Variants in STK32A observed in about 807,000 individuals in gnomAD.
STK32A encodes serine/threonine kinase 32A.
STK32A carries 41 observed loss-of-function variants against 53.2 expected under a neutral mutation model. That is an observed-to-expected ratio of 0.77 (90% CI 0.60 to 1.00). STK32A has a LOEUF of 1.00. STK32A is among the 50% of genes least tolerant of loss of function. The pLI, the probability that STK32A is intolerant of heterozygous loss-of-function variation, is 0.00. For synonymous variants in STK32A, 166 were observed against 162.8 expected (o/e 1.02, Z -0.15); for missense variants, 458 against 485.8 (o/e 0.94, Z 0.54).
intron 4 of STK32A, among the ~76,000 whole-genome samples, chr5:147,280,831 A>G (rs145996920): frequency 6.6e-5 from 10 of 152,304 alleles, no homozygotes; most frequent in African/African-American, 2.2e-4. Flanking sequence ...CAGGAGGACA[A>G]CAGCACAAAA....
chr5:147,395,827 A>T, the STK32A span: 1 of 1,278,522 alleles, frequency 7.8e-7, no homozygotes, highest in South Asian at 1.3e-5. Flanking sequence ...GGGAGCTAGG[A>T]ATTAACAATA....
intron 8 of STK32A, among the ~76,000 whole-genome samples, chr5:147,363,923 TCTC>T (rs1374568151): frequency 1.3e-5 from 2 of 152,124 alleles, no homozygotes; most frequent in African/African-American, 4.8e-5. Flanking sequence ...TGCTTAGAAA[TCTC>T]CTCGGCTGGC....
intron 5 of STK32A, among the ~76,000 whole-genome samples, chr5:147,326,642 G>GAA (rs1487051982): frequency 1.2e-4 from 19 of 152,162 alleles, no homozygotes; most frequent in African/African-American, 4.6e-4. Flanking sequence ...TGATTGACCA[G>GAA]AAGTTCAGGC....
chr5:147,338,379 G>A (rs899581880), intron 5 of STK32A, among the ~76,000 whole-genome samples: 1 of 152,174 alleles, frequency 6.6e-6, no homozygotes, highest in African/African-American at 2.4e-5. Flanking sequence ...ATGTGGAACT[G>A]TGAGTCTGTT....
chr5:147,355,449 A>G (rs1413544355), intron 7 of STK32A, among the ~76,000 whole-genome samples: 1 of 152,040 alleles, frequency 6.6e-6, no homozygotes, highest in African/African-American at 2.4e-5. Context: ...CGAGGCGGGC[A>G]GATCACAAGG....
chr5:147,255,612 T>G (rs974489420), intron 2 of STK32A, among the ~76,000 whole-genome samples: 4 of 152,178 alleles, frequency 2.6e-5, no homozygotes, highest in Non-Finnish European at 5.9e-5. Context: ...GGGGCAGTGT[T>G]GTTTGGGATG....
chr5:147,260,110 C>G (rs1172401559), intron 2 of STK32A, among the ~76,000 whole-genome samples: 11 of 136,978 alleles, frequency 8.0e-5, no homozygotes, highest in African/African-American at 3.0e-4. Flanking sequence ...TCTGTCTCCT[C>G]TCTGTCCCTC....
the STK32A span, chr5:147,395,871 AAAAT>A: frequency 4.0e-6 from 4 of 998,366 alleles, no homozygotes; most frequent in South Asian, 1.6e-5. Flanking sequence ...GAAGTAGTAT[AAAAT>A]AAATAAAGGA....
chr5:147,351,212 G>T, intron 7 of STK32A, 58 bp downstream of exon 7: 1 of 1,404,568 alleles, frequency 7.1e-7, no homozygotes, highest in South Asian at 1.2e-5. Context: ...TTTATTACAG[G>T]TGGAATCATC....
At chr5:147,401,452 T>C in the STK32A span, 1 of 1,423,386 alleles carries the variant, frequency 7.0e-7, no homozygotes, top group Non-Finnish European at 9.4e-7. Context: ...GTCAAGTTTA[T>C]AGATGGGACT....
At chr5:147,291,331 G>A (rs758881864) in intron 4 of STK32A, among the ~76,000 whole-genome samples, 217 of 152,186 alleles carry the variant, frequency 1.4e-3, no homozygotes, top group Middle Eastern at 3.4e-3. Flanking sequence ...GAAGGGGAAA[G>A]GATGAGTCTT....
intron 4 of STK32A, among the ~76,000 whole-genome samples, chr5:147,295,744 T>C (rs569902432): frequency 6.6e-4 from 100 of 152,326 alleles, no homozygotes; most frequent in African/African-American, 2.2e-3. Flanking sequence ...TTTTCAATAG[T>C]TTCTCTCCCA....
At chr5:147,256,882 C>T (rs572777811) in intron 2 of STK32A, among the ~76,000 whole-genome samples, 2 of 152,090 alleles carry the variant, frequency 1.3e-5, no homozygotes, top group South Asian at 2.1e-4. Context: ...GCAACTGTTC[C>T]GTTGTGAGAG....
chr5:147,278,049 C>G, intron 2 of STK32A, 75 bp from the exon 3 acceptor site: 1 of 1,276,470 alleles, frequency 7.8e-7, no homozygotes, highest in Non-Finnish European at 1.1e-6. Context: ...TCAGTTTAGT[C>G]CAATCTTTAT....
At chr5:147,265,386 A>G (rs573363651) in intron 2 of STK32A, among the ~76,000 whole-genome samples, 8 of 152,212 alleles carry the variant, frequency 5.3e-5, no homozygotes, top group Admixed American at 2.0e-4. Flanking sequence ...CCTCTTTTGT[A>G]CACCATACAA....
At chr5:147,371,389 C>G (rs1462549673) in intron 9 of STK32A, among the ~76,000 whole-genome samples, 1 of 152,064 alleles carries the variant, frequency 6.6e-6, no homozygotes, top group Non-Finnish European at 1.5e-5. Context: ...GGACTTTTGT[C>G]CCCCCTTTGA....
At chr5:147,396,670 G>T in the STK32A span, among the ~76,000 whole-genome samples, 1 of 151,954 alleles carries the variant, frequency 6.6e-6, no homozygotes, top group South Asian at 2.1e-4. Flanking sequence ...CCAAAACCAA[G>T]AACTCTACAT....
In STK32A at chr5:147,290,914, A is replaced by G. The variant is rs62377726; in HGVS notation, c.260+11516A>G. ...AGTGGGGTTTTAAGAAAAAAAGACA[A>G]GGCAGTTCCTAAGTTATTTACCAAA... On this transcript the variant is annotated intron_variant, in intron 4 of 12. Coordinates refer to ENST00000397936, the MANE Select transcript of STK32A (RefSeq NM_001112724.2). 7.9e-3 allele frequency among the ~76,000 whole-genome samples: 1,205 copies of G among 152,300 alleles called. 10 individuals are homozygous for G. The highest frequency in any genetic ancestry group is 0.012 in the Non-Finnish European group (836 of 68,030).
downstream of STK32A, among the ~76,000 whole-genome samples, chr5:147,389,031 ATAAT>A (rs1303555160): frequency 2.0e-5 from 3 of 152,354 alleles, no homozygotes; most frequent in Non-Finnish European, 2.9e-5. Context: ...CAACTGTAAA[ATAAT>A]TAATTCTTTA....
Sources: allele counts gnomAD v4.1 joint callset (sites outside exome capture counted in the v4.1 genomes callset), GRCh38; gene constraint gnomAD v4.1.1; transcripts MANE v1.5; gene names NCBI Gene and HGNC (gene_info 2026-07-23, HGNC 2026-07-21).